Variants in TRIM44 observed in about 807,000 individuals in gnomAD.
TRIM44 encodes the protein tripartite motif containing 44, also known as tripartite motif-containing protein 44.
Under a neutral mutation model 37.4 loss-of-function variants are expected in TRIM44, and 13 were observed. That is an observed-to-expected ratio of 0.35 (90% CI 0.23 to 0.55). The LOEUF (loss-of-function observed/expected upper bound fraction) is 0.55. TRIM44 is among the 20% of genes least tolerant of loss of function. TRIM44 has a pLI of 0.89. For synonymous variants in TRIM44, 175 were observed against 157.2 expected, an observed-to-expected ratio of 1.11 and a Z score of -0.85; for missense variants, 426 against 437.2, an observed-to-expected ratio of 0.97 and a Z score of 0.23.
chr11:35,686,198 G>T (rs1055286105), intron 2 of TRIM44, among the ~76,000 whole-genome samples: 1 of 152,048 alleles, frequency 6.6e-6, no homozygotes, highest in Non-Finnish European at 1.5e-5. Context: ...CACCATAACG[G>T]GGTGGAGGTA....
chr11:35,800,302 C>T (rs887054925), intron 4 of TRIM44, among the ~76,000 whole-genome samples: 2 of 152,134 alleles, frequency 1.3e-5, no homozygotes, highest in Non-Finnish European at 2.9e-5. Context: ...TTATGAAGAG[C>T]GAAAGAACAA....
At chr11:35,695,994 T>C (rs1257302104) in intron 2 of TRIM44, among the ~76,000 whole-genome samples, 1 of 151,920 alleles carries the variant, frequency 6.6e-6, no homozygotes, top group Non-Finnish European at 1.5e-5. Context: ...ATTTCAGTGT[T>C]AGAGGAAAGA....
rs900724532 is a variant in TRIM44, at chr11:35,792,408, A to G, written c.1008-13950A>G. 5.3e-5 allele frequency among the ~76,000 whole-genome samples: 8 copies of G among 152,248 alleles called. 1 individual carries two copies. The highest frequency in any genetic ancestry group is 1.2e-4 in the Non-Finnish European group (8 of 68,040). ...CCAAAGTTACACAGCTCAGAGCTGA[A>G]GGGCTTGGATGGTAAGTAATCCTGG... is the stretch of plus-strand genomic sequence containing the variant. On this transcript the variant is annotated intron_variant, in intron 4 of 4. Transcript: ENST00000299413.
At position 35,792,097 on chromosome 11, in the gene TRIM44, ACACACACACACACACT is replaced by A. The variant is rs1435665131; in HGVS notation, c.1008-14259_1008-14244del. ...TACACACACACACACACACACACAC[ACACACACACACACACT>A]CTCTCTCATCATTCTCTATTCCAGC... On this transcript the variant is annotated intron_variant, in intron 4 of 4. Transcript: ENST00000299413. Among the ~76,000 whole-genome samples, 208 of 104,296 alleles carry A rather than the reference ACACACACACACACACT, an allele frequency of 2.0e-3. 1 individual carries two copies. Among genetic ancestry groups the A allele is most frequent in the African/African-American group, 5.6e-3 (198 of 35,514 alleles). The allele number at this position is 104,296 out of a possible 152,430, so 68.4% of individuals were successfully genotyped here. A position where few individuals can be genotyped will look rare whatever the true frequency, so the allele number is the denominator to read the frequency against.
chr11:35,663,525 A>C lies in TRIM44; in HGVS notation c.414A>C (p.Glu138Asp), dbSNP rs1162455060. ...AGGAAGAAATGGAGGATGAGCAAGA[A>C]AGCGAGGCCGAAGAAGACAACCAAG... is the stretch of plus-strand genomic sequence containing the variant. Reference protein sequence around the residue: ...DSEEEMEDEQESEAEEDNQEE... With the variant: ...DSEEEMEDEQDSEAEEDNQEE... Residue 138 changes from glutamate to aspartate, a missense_variant, in exon 1 of 5, where the codon GAA (glutamate) becomes GAC (aspartate). By Grantham distance (45) the Glu-to-Asp change is conservative. This residue lies in a region of TRIM44 where 331 missense variants were observed against 303.0 expected (regional missense o/e 1.09). Coordinates refer to ENST00000299413, the MANE Select transcript of TRIM44 (RefSeq NM_017583.6). The C allele has an allele frequency of 2.5e-6, 4 of 1,604,508 alleles. No individual in the cohort carries two copies. In the African/African-American group the frequency reaches 5.4e-5, roughly 21 times the overall value.
chr11:35,774,173 G>A (rs979802765), intron 4 of TRIM44, among the ~76,000 whole-genome samples: 2 of 152,220 alleles, frequency 1.3e-5, no homozygotes, highest in African/African-American at 4.8e-5. Context: ...TCTAACTGGT[G>A]TGAGATGGTA....
At chr11:35,687,338 C>T (rs541485579) in intron 2 of TRIM44, among the ~76,000 whole-genome samples, 1 of 152,274 alleles carries the variant, frequency 6.6e-6, no homozygotes, top group East Asian at 1.9e-4. Flanking sequence ...CTGGTGTAGT[C>T]AGGGTTCCAG....
intron 4 of TRIM44, among the ~76,000 whole-genome samples, chr11:35,760,540 C>T (rs570048316): frequency 1.9e-4 from 29 of 152,310 alleles, no homozygotes; most frequent in African/African-American, 6.0e-4. Flanking sequence ...GAGATGAACC[C>T]GGTACCTCAG....
chr11:35,800,484 G>T (rs1168491188), intron 4 of TRIM44, among the ~76,000 whole-genome samples: 2 of 152,134 alleles, frequency 1.3e-5, no homozygotes, highest in Non-Finnish European at 2.9e-5. Context: ...TGATTGGTGT[G>T]TTTACAATCC....
Position 35,806,654 on chromosome 11 carries a change from C to T in TRIM44, c.*269C>T. On this transcript the variant is annotated 3_prime_UTR_variant, in exon 5 of 5. Coordinates refer to ENST00000299413, the MANE Select transcript of TRIM44 (RefSeq NM_017583.6). ...AATTAAGAAAGGTCCTTCAGGTAAT[C>T]CCTCAATGGCTGCTTTGAACTTACT... 2.4e-6 allele frequency: 1 copy of T among 420,296 alleles called. No individual in the cohort carries two copies. The highest frequency in any genetic ancestry group is 4.3e-6 in the Non-Finnish European group (1 of 234,646). 26.0% of individuals were successfully genotyped at this position (420,296 alleles called of 1,614,324 possible). A position where few individuals can be genotyped will look rare whatever the true frequency, so the allele number is the denominator to read the frequency against.
chr11:35,745,265 C>T (rs1379690813), intron 4 of TRIM44, among the ~76,000 whole-genome samples: 2 of 152,128 alleles, frequency 1.3e-5, no homozygotes, highest in Non-Finnish European at 2.9e-5. Context: ...TTTTGATTTG[C>T]ATTTCTCTAA....
chr11:35,792,023 A>G lies in TRIM44; in HGVS notation c.1008-14335A>G, dbSNP rs114795773. 3.0e-3 allele frequency among the ~76,000 whole-genome samples: 446 copies of G among 150,096 alleles called. 5 individuals are homozygous for G. The highest frequency in any genetic ancestry group is 0.01 in the African/African-American group (424 of 40,554). ...ATTATCTCATTTAATATTTGCATCA[A>G]CTCTTAAGAGGTAGATCTTAATACC... On this transcript the variant is annotated intron_variant, in intron 4 of 4. Coordinates refer to ENST00000299413, the MANE Select transcript of TRIM44 (RefSeq NM_017583.6).
At chr11:35,802,761 A>C (rs1305827511) in intron 4 of TRIM44, among the ~76,000 whole-genome samples, 1 of 152,148 alleles carries the variant, frequency 6.6e-6, no homozygotes, top group African/African-American at 2.4e-5. Flanking sequence ...TGCCACCTAG[A>C]AGGGTCAGAG....
Position 35,806,366 on chromosome 11 carries a change from G to A in TRIM44, c.1016G>A (p.Ser339Asn), listed in dbSNP as rs775075301. ...EGDEEGPSGA[S>N]EEEDT ...CTCCTTTTCCTTTGTAGTGGTGCCAGTGAAGAAGAGGACACATGAAGGCTT... is the reference window on the plus strand; with the variant it reads ...CTCCTTTTCCTTTGTAGTGGTGCCAATGAAGAAGAGGACACATGAAGGCTT... Residue 339 changes from serine to asparagine, a missense_variant, in exon 5 of 5, where the codon AGT becomes AAT. This residue lies in a region of TRIM44 where 95 missense variants were observed against 134.2 expected (regional missense o/e 0.71). Coordinates refer to ENST00000299413, the MANE Select transcript of TRIM44 (RefSeq NM_017583.6). 2 of 1,613,668 alleles carry A rather than the reference G, an allele frequency of 1.2e-6. No individual in the cohort carries two copies. The highest frequency in any genetic ancestry group is 8.5e-7 in the Non-Finnish European group (1 of 1,179,712).
intron 2 of TRIM44, among the ~76,000 whole-genome samples, chr11:35,690,016 T>C (rs1461734613): frequency 6.6e-6 from 1 of 152,218 alleles, no homozygotes; most frequent in African/African-American, 2.4e-5. Context: ...TTCATACTAA[T>C]CTTATATTCT....
intron 4 of TRIM44, among the ~76,000 whole-genome samples, chr11:35,802,883 G>T (rs1247907275): frequency 6.6e-6 from 1 of 152,082 alleles, no homozygotes; most frequent in Non-Finnish European, 1.5e-5. Flanking sequence ...ATATTTGAAG[G>T]GTATTTGGGG....
At chr11:35,754,960 A>G (rs942733152) in intron 4 of TRIM44, among the ~76,000 whole-genome samples, 1 of 152,206 alleles carries the variant, frequency 6.6e-6, no homozygotes, top group Non-Finnish European at 1.5e-5. Context: ...TGCTGCAATA[A>G]ACATACATGT....
At chr11:35,805,593 C>G (rs1280124707) in intron 4 of TRIM44, among the ~76,000 whole-genome samples, 1 of 152,206 alleles carries the variant, frequency 6.6e-6, no homozygotes, top group East Asian at 1.9e-4. Context: ...ATCCCTCCCT[C>G]CCTTTCTTCC....
At chr11:35,782,189 G>A (rs965499863) in intron 4 of TRIM44, among the ~76,000 whole-genome samples, 3 of 152,150 alleles carry the variant, frequency 2.0e-5, no homozygotes, top group Non-Finnish European at 2.9e-5. Flanking sequence ...GAAGTCCAGC[G>A]GGTGGGGGGA....
Sources: gnomAD v4.1 joint callset for allele counts (sites outside exome capture counted in the v4.1 genomes callset) on GRCh38, gnomAD v4.1.1 for gene constraint, gnomAD v4.1.1 regional missense constraint, MANE v1.5 for transcripts, NCBI Gene and HGNC (gene_info 2026-07-23, HGNC 2026-07-21) for gene names.